The following BLID variants were observed in gnomAD, a reference collection of about 807,000 sequenced individuals.
BLID encodes BH3-like motif containing, cell death inducer.
For synonymous variants in BLID, 47 were observed against 49.6 expected (o/e 0.95, Z 0.22); for missense variants, 136 against 127.9 (o/e 1.06, Z -0.31).
chr11:122,116,140 C>T lies in BLID; in HGVS notation c.-218G>A. The stretch of plus-strand genomic sequence containing the variant: ...TTTCAAGTGGCTACTCACCAAAATC[C>T]TCAACTGAAAACAGCTTCCAAGGGG... On this transcript the variant is annotated 5_prime_UTR_variant, in exon 1 of 1. Coordinates refer to ENST00000560104, the MANE Select transcript of BLID (RefSeq NM_001001786.3). 1.9e-6 allele frequency: 1 copy of T among 540,436 alleles called. No individual in the cohort carries two copies. The highest frequency in any genetic ancestry group is 3.4e-6 in the Non-Finnish European group (1 of 296,868). The allele number at this position is 540,436 out of a possible 1,614,324, so 33.5% of individuals were successfully genotyped here.
In BLID at chr11:122,116,205, CACA is replaced by C. The variant is rs1197465140; in HGVS notation, c.-286_-284del. 2 of 378,206 alleles carry C rather than the reference CACA, an allele frequency of 5.3e-6. No homozygotes were observed. The highest frequency in any genetic ancestry group is 9.8e-6 in the Non-Finnish European group (2 of 203,628). 23.4% of individuals were successfully genotyped at this position (378,206 alleles called of 1,614,324 possible). On this transcript the variant is annotated 5_prime_UTR_variant, in exon 1 of 1. Coordinates refer to ENST00000560104, the MANE Select transcript of BLID (RefSeq NM_001001786.3). ...AATTCTCTTCTCTCTTTTCTCCAAA[CACA>C]ACATCATCTGACCAAGGTTTGCATG...
At position 122,115,444 on chromosome 11, in the gene BLID, C is replaced by A. The variant is rs982405827; in HGVS notation, c.*152G>T. 3 of 568,556 alleles carry A rather than the reference C, an allele frequency of 5.3e-6. No individual in the cohort carries two copies. The highest frequency in any genetic ancestry group is 1.9e-5 in the African/African-American group (1 of 53,662). 35.2% of individuals were successfully genotyped at this position (568,556 alleles called of 1,614,324 possible). On this transcript the variant is annotated 3_prime_UTR_variant, in exon 1 of 1. Transcript: ENST00000560104. ...TTATTGTTTCTCTGCACAATTTGAA[C>A]CAAATTTGGAAAAGTTATGGGTAAA...
At position 122,115,668 on chromosome 11, in the gene BLID, C is replaced by T; in HGVS notation, c.255G>A (p.Val85=). ...SAMKRNVPGH[V]LQRPSYLTRI... ...TGGTTAAATAGGAAGGTCTCTGAAG[C>T]ACATGTCCAGGAACATTCCGCTTCA... Residue 85 remains valine, a synonymous_variant, in exon 1 of 1, where the codon GTG becomes GTA. Coordinates refer to ENST00000560104, the MANE Select transcript of BLID (RefSeq NM_001001786.3). 6.2e-7 allele frequency: 1 copy of T among 1,614,132 alleles called. No homozygotes were observed. Among genetic ancestry groups the T allele is most frequent in the South Asian group, 1.1e-5 (1 of 91,084 alleles).
Position 122,115,893 on chromosome 11 carries a change from C to T in BLID, c.30G>A (p.Gln10=). The stretch of plus-strand genomic sequence containing the variant: ...CTAGGATCTCAAAGAAATGTATTTC[C>T]TGGCCCTCTATAGGCAACAAAGTCA... MVTLLPIEG[Q]EIHFFEILES... is the part of the protein sequence containing the mutation. Residue 10 remains glutamine (Q), a synonymous_variant, in exon 1 of 1, where the codon CAG becomes CAA. Coordinates refer to ENST00000560104, the MANE Select transcript of BLID (RefSeq NM_001001786.3). The T allele has an allele frequency of 6.2e-7, 1 of 1,600,182 alleles. No individual in the cohort carries two copies. The highest frequency in any genetic ancestry group is 8.6e-7 in the Non-Finnish European group (1 of 1,168,606).
chr11:122,115,624 A>T, the BLID span: 1 of 1,614,002 alleles, frequency 6.2e-7, no homozygotes, highest in Non-Finnish European at 8.5e-7. Context: ...GGAATTGCAT[A>T]ACAATGTAAC....
rs1941174177 is a variant in BLID at position 122,115,405 on chromosome 11, C to A, written c.*191G>T. Reference sequence around the variant, plus strand: ...ATTTACTTTTAACTAGCCAGTTTATCCTTTTTAAAAATTTTATTGTTTCTC... The same window carrying A: ...ATTTACTTTTAACTAGCCAGTTTATACTTTTTAAAAATTTTATTGTTTCTC... On this transcript the variant is annotated 3_prime_UTR_variant, in exon 1 of 1. Coordinates refer to ENST00000560104, the MANE Select transcript of BLID (RefSeq NM_001001786.3). The A allele has an allele frequency of 3.4e-5, 18 of 531,686 alleles. No homozygotes were observed. The South Asian group carries it at 5.5e-4, about 16-fold the overall frequency. The allele number at this position is 531,686 out of a possible 1,614,324, so 32.9% of individuals were successfully genotyped here.
rs753196573 is a variant in BLID at position 122,115,676 on chromosome 11, C to T, written c.247G>A (p.Gly83Arg). The T allele has an allele frequency of 1.5e-5, 24 of 1,614,042 alleles. No individual in the cohort carries two copies. The highest frequency in any genetic ancestry group is 2.0e-5 in the Non-Finnish European group (24 of 1,179,898). Reference protein sequence around the residue: ...GSSAMKRNVPGHVLQRPSYLT... With the variant: ...GSSAMKRNVPRHVLQRPSYLT... ...TAGGAAGGTCTCTGAAGCACATGTC[C>T]AGGAACATTCCGCTTCATGGCAGAG... is the stretch of plus-strand genomic sequence containing the variant. Residue 83 changes from glycine to arginine, a missense_variant, in exon 1 of 1, where the codon GGA becomes AGA. Transcript: ENST00000560104.
Position 122,115,831 on chromosome 11 carries a change from C to A in BLID, c.92G>T (p.Arg31Leu), listed in dbSNP as rs546693857. The change falls in exon 1 of 1, where the codon CGA becomes CTA. Residue 31 changes from arginine (R) to leucine (L), a missense_variant. Arg to Leu is a moderately radical substitution (Grantham distance 102, BLOSUM62 -2). Transcript: ENST00000560104. ...TGGATAAATGGAACTGCCAGAGGCT[C>A]GCTCTATCCATCCTGTGTAGAGCAC... Reference protein sequence around the residue: ...ECVLYTGWIERASGSSIYPEA... With the variant: ...ECVLYTGWIELASGSSIYPEA... 3 of 1,613,990 alleles carry A rather than the reference C, an allele frequency of 1.9e-6. No individual in the cohort carries two copies. The highest frequency in any genetic ancestry group is 3.3e-5 in the Admixed American group (2 of 60,032).
In BLID at chr11:122,115,639, A is replaced by T; in HGVS notation, c.284T>A (p.Ile95Lys). The T allele has an allele frequency of 6.2e-7, 1 of 1,614,146 alleles. No individual in the cohort carries two copies. Among genetic ancestry groups the T allele is most frequent in the Non-Finnish European group, 8.5e-7 (1 of 1,179,988 alleles). ...GGAATTGCATAACAATGTAACTTGT[A>T]TCCTGGTTAAATAGGAAGGTCTCTG... is the stretch of plus-strand genomic sequence containing the variant. ...VLQRPSYLTR[I>K]QVTLLCNSSA... Residue 95 changes from isoleucine (I) to lysine (K), a missense_variant, in exon 1 of 1, where the codon ATA becomes AAA. Coordinates refer to ENST00000560104, the MANE Select transcript of BLID (RefSeq NM_001001786.3).
Position 122,115,941 on chromosome 11 carries a change from A to C in BLID, c.-19T>G, listed in dbSNP as rs760001734. The C allele has an allele frequency of 5.1e-6, 8 of 1,556,948 alleles. No individual in the cohort carries two copies. The East Asian group carries it at 1.8e-4, about 35-fold the overall frequency. ...TCACCATAATTTGAAGCTATTATGG[A>C]AGAAAGTCCAAAATTTAACTTCCAT... is the stretch of plus-strand genomic sequence containing the variant. On this transcript the variant is annotated 5_prime_UTR_variant, in exon 1 of 1. Coordinates refer to ENST00000560104, the MANE Select transcript of BLID (RefSeq NM_001001786.3).
At chr11:122,115,642 CTGGTTAAATAGGA>C in the BLID span, 6 of 1,613,992 alleles carry the variant, frequency 3.7e-6, no homozygotes, top group Non-Finnish European at 5.1e-6. Flanking sequence ...AACTTGTATC[CTGGTTAAATAGGA>C]AGGTCTCTGA....
Position 122,115,554 on chromosome 11 carries a change from T to C in BLID, c.*42A>G. ...TGTGCAGCCTGAATAATGGGCGAAA[T>C]CTGTCCTAATATCTTGCTGCATCTG... On this transcript the variant is annotated 3_prime_UTR_variant, in exon 1 of 1. Coordinates refer to ENST00000560104, the MANE Select transcript of BLID (RefSeq NM_001001786.3). 7.1e-7 allele frequency: 1 copy of C among 1,413,500 alleles called. No homozygotes were observed. The highest frequency in any genetic ancestry group is 9.9e-7 in the Non-Finnish European group (1 of 1,006,552). 87.6% of individuals were successfully genotyped at this position (1,413,500 alleles called of 1,614,324 possible). A position where few individuals can be genotyped will look rare whatever the true frequency, so the allele number is the denominator to read the frequency against.
rs1487157416 is a variant in BLID, at chr11:122,115,617, A to C, written c.306T>G (p.Asn102Lys). ...CCTTTTACAGGGCCTCAGCAGAGGA[A>C]TTGCATAACAATGTAACTTGTATCC... Reference protein sequence around the residue: ...LTRIQVTLLCNSSAEAL With the variant: ...LTRIQVTLLCKSSAEAL The change falls in exon 1 of 1, where the codon AAT becomes AAG. Residue 102 changes from asparagine (N) to lysine (K), a missense_variant. Transcript: ENST00000560104. 1 of 1,613,754 alleles carries C rather than the reference A, an allele frequency of 6.2e-7. No individual in the cohort carries two copies. Among genetic ancestry groups the C allele is most frequent in the Admixed American group, 1.7e-5 (1 of 60,022 alleles).
In BLID at chr11:122,115,888, A is replaced by G; in HGVS notation, c.35T>C (p.Ile12Thr). Residue 12 changes from isoleucine (I) to threonine (T), a missense_variant, in exon 1 of 1, where the codon ATA (isoleucine) becomes ACA (threonine). Coordinates refer to ENST00000560104, the MANE Select transcript of BLID (RefSeq NM_001001786.3). ...AGATTCTAGGATCTCAAAGAAATGT[A>G]TTTCCTGGCCCTCTATAGGCAACAA... Reference protein sequence around the residue: ...VTLLPIEGQEIHFFEILESEC... With the variant: ...VTLLPIEGQETHFFEILESEC... The G allele has an allele frequency of 6.2e-7, 1 of 1,601,566 alleles. No individual in the cohort carries two copies. The highest frequency in any genetic ancestry group is 1.1e-5 in the South Asian group (1 of 90,796).
chr11:122,115,839 C>A lies in BLID; in HGVS notation c.84G>T (p.Trp28Cys), dbSNP rs1317320215. ...TGGAACTGCCAGAGGCTCGCTCTAT[C>A]CATCCTGTGTAGAGCACACACTCAG... ...LESECVLYTGWIERASGSSIY... is the reference protein window; with the variant it reads ...LESECVLYTGCIERASGSSIY... The change falls in exon 1 of 1, where the codon TGG becomes TGT. Residue 28 changes from tryptophan to cysteine, a missense_variant. Physicochemically the swap from Trp to Cys is radical, Grantham distance 215. Transcript: ENST00000560104. 1 of 1,613,614 alleles carries A rather than the reference C, an allele frequency of 6.2e-7. No individual in the cohort carries two copies.
rs1456454568 is a variant in BLID, at chr11:122,116,187, TTC to T, written c.-267_-266del. 3.2e-5 allele frequency: 13 copies of T among 402,606 alleles called. No individual in the cohort carries two copies. The highest frequency in any genetic ancestry group is 5.1e-5 in the Non-Finnish European group (11 of 217,382). 24.9% of individuals were successfully genotyped at this position (402,606 alleles called of 1,614,324 possible). The stretch of plus-strand genomic sequence containing the variant: ...GGGGTCATGTACTTATTCAATTCTC[TTC>T]TCTCTTTTCTCCAAACACAACATCA... On this transcript the variant is annotated 5_prime_UTR_variant, in exon 1 of 1. The change creates a premature stop within an existing upstream ORF in the 5' untranslated region. Coordinates refer to ENST00000560104, the MANE Select transcript of BLID (RefSeq NM_001001786.3).
chr11:122,115,637 G>C lies in BLID; in HGVS notation c.286C>G (p.Gln96Glu), dbSNP rs1424951970. The C allele has an allele frequency of 6.2e-7, 1 of 1,614,092 alleles. No individual in the cohort carries two copies. Among genetic ancestry groups the C allele is most frequent in the East Asian group, 2.2e-5 (1 of 44,882 alleles). Reference sequence around the variant, plus strand: ...GAGGAATTGCATAACAATGTAACTTGTATCCTGGTTAAATAGGAAGGTCTC... The same window carrying C: ...GAGGAATTGCATAACAATGTAACTTCTATCCTGGTTAAATAGGAAGGTCTC... ...LQRPSYLTRI[Q>E]VTLLCNSSAE... The change falls in exon 1 of 1, where the codon CAA becomes GAA. Residue 96 changes from glutamine to glutamate, a missense_variant. By Grantham distance (29) the Gln-to-Glu change is conservative (BLOSUM62 2). Transcript: ENST00000560104.
At position 122,115,523 on chromosome 11, in the gene BLID, C is replaced by G; in HGVS notation, c.*73G>C. ...GGTCTTATTGAAATCAAGTTTCCTTCTGTGTTGTGCAGCCTGAATAATGGG... is the reference window on the plus strand; with the variant it reads ...GGTCTTATTGAAATCAAGTTTCCTTGTGTGTTGTGCAGCCTGAATAATGGG... On this transcript the variant is annotated 3_prime_UTR_variant, in exon 1 of 1. Transcript: ENST00000560104. 1 of 1,017,988 alleles carries G rather than the reference C, an allele frequency of 9.8e-7. No homozygotes were observed. The highest frequency in any genetic ancestry group is 1.5e-6 in the Non-Finnish European group (1 of 668,530). 63.1% of individuals were successfully genotyped at this position (1,017,988 alleles called of 1,614,324 possible).
At position 122,116,070 on chromosome 11, in the gene BLID, T is replaced by C; in HGVS notation, c.-148A>G. On this transcript the variant is annotated 5_prime_UTR_variant, in exon 1 of 1. Transcript: ENST00000560104. The stretch of plus-strand genomic sequence containing the variant: ...AAAAAAGTGGTGGGATCCTTCCTCC[T>C]CTTCCTTTCTTCCCAGCTCCTGCTA... The C allele has an allele frequency of 3.3e-6, 2 of 598,636 alleles. No individual in the cohort carries two copies. Among genetic ancestry groups the C allele is most frequent in the Non-Finnish European group, 6.0e-6 (2 of 335,756 alleles). 37.1% of individuals were successfully genotyped at this position (598,636 alleles called of 1,614,324 possible). A position where few individuals can be genotyped will look rare whatever the true frequency, so the allele number is the denominator to read the frequency against.
Sources: gnomAD v4.1 joint callset for allele counts on GRCh38, gnomAD v4.1.1 for gene constraint, MANE v1.5 for transcripts, NCBI Gene and HGNC (gene_info 2026-07-23, HGNC 2026-07-21) for gene names.